ASB15: variants seen among roughly 807,000 people sequenced by gnomAD.
The protein encoded by ASB15 is ankyrin repeat and SOCS box protein 15.
Under a neutral mutation model 58.0 loss-of-function variants are expected in ASB15, and 54 were observed. That is an observed-to-expected ratio of 0.93 (90% confidence interval 0.75 to 1.17). The LOEUF (loss-of-function observed/expected upper bound fraction) is 1.17. ASB15 is among the 50% of genes most tolerant of loss of function. ASB15 has a pLI of 0.00. For missense variants in ASB15, 680 were observed against 707.4 expected, an observed-to-expected ratio of 0.96 and a Z score of 0.44; for synonymous variants, 249 against 262.4, an observed-to-expected ratio of 0.95 and a Z score of 0.50.
At chr7:123,624,094 A>G (rs1251555881) in intron 7 of ASB15, among the ~76,000 whole-genome samples, 1 of 152,172 alleles carries the variant, frequency 6.6e-6, no homozygotes, top group Non-Finnish European at 1.5e-5. Context: ...CTATAGGGGA[A>G]ACCTGATGAA....
rs769593680 is a variant in ASB15 at position 123,624,582 on chromosome 7, C to G, written c.465C>G (p.Gly155=). 2 of 1,612,578 alleles carry G rather than the reference C, an allele frequency of 1.2e-6. No individual in the cohort carries two copies. The highest frequency in any genetic ancestry group is 4.5e-5 in the East Asian group (2 of 44,874). Residue 155 remains glycine, a synonymous_variant, in exon 8 of 12, where the codon GGC becomes GGG. Transcript: ENST00000451215. ...ETPLLIAVKK[G]SYDMVSTLIK... is the part of the protein sequence containing the mutation. The stretch of plus-strand genomic sequence containing the variant: ...ATCATTTTCAAGCTGTGAAAAAGGG[C>G]TCCTATGACATGGTGTCGACTCTGA...
chr7:123,597,629 C>T (rs1457077523), upstream of ASB15, among the ~76,000 whole-genome samples: 1 of 151,930 alleles, frequency 6.6e-6, no homozygotes, highest in East Asian at 1.9e-4. Context: ...GTCAGGAGTT[C>T]GAGACCAGCT....
intron 1 of ASB15, among the ~76,000 whole-genome samples, chr7:123,583,360 C>T (rs568222178): frequency 1.1e-4 from 16 of 151,974 alleles, no homozygotes; most frequent in South Asian, 2.1e-4. Context: ...TGGGAACTAA[C>T]GGGAAACTGG....
At chr7:123,590,920 C>G (rs1799520257) in intron 1 of ASB15, among the ~76,000 whole-genome samples, 2 of 152,072 alleles carry the variant, frequency 1.3e-5, no homozygotes, top group Admixed American at 6.6e-5. Context: ...ACTGATTCTT[C>G]CTATCGATGA....
chr7:123,588,461 C>T (rs1292719685), intron 1 of ASB15, among the ~76,000 whole-genome samples: 1 of 151,440 alleles, frequency 6.6e-6, no homozygotes, highest in African/African-American at 2.4e-5. Flanking sequence ...AAAAAGCCAA[C>T]TTTTGATCTT....
intron 1 of ASB15, among the ~76,000 whole-genome samples, chr7:123,593,346 G>T (rs1799598474): frequency 6.6e-6 from 1 of 152,118 alleles, no homozygotes; most frequent in Non-Finnish European, 1.5e-5. Flanking sequence ...CCCGTTAATT[G>T]ATGCAGTTTC....
At chr7:123,611,041 C>T (rs991849607) in intron 3 of ASB15, among the ~76,000 whole-genome samples, 3 of 142,122 alleles carry the variant, frequency 2.1e-5, no homozygotes, top group African/African-American at 7.9e-5. Context: ...CAAGATTGTG[C>T]CGTTTCACTC....
At chr7:123,567,725 C>G (rs1001291533) in intron 1 of ASB15, among the ~76,000 whole-genome samples, 3 of 152,026 alleles carry the variant, frequency 2.0e-5, no homozygotes, top group Admixed American at 1.3e-4. Context: ...ACAGGTAATG[C>G]TTAGCCAGTT....
At chr7:123,569,979 G>C (rs1798862117) in intron 1 of ASB15, among the ~76,000 whole-genome samples, 1 of 151,458 alleles carries the variant, frequency 6.6e-6, no homozygotes, top group Non-Finnish European at 1.5e-5. Flanking sequence ...CACTATGATG[G>C]GATATAAGTC....
chr7:123,592,133 C>T (rs992435802), intron 1 of ASB15, among the ~76,000 whole-genome samples: 6 of 152,140 alleles, frequency 3.9e-5, no homozygotes, highest in African/African-American at 1.4e-4. Flanking sequence ...TCTGTGGGAT[C>T]AGTGGTGATA....
intron 9 of ASB15, among the ~76,000 whole-genome samples, chr7:123,628,308 G>T (rs1801925725): frequency 6.6e-6 from 1 of 152,174 alleles, no homozygotes; most frequent in South Asian, 2.1e-4. Flanking sequence ...TAATTCATGA[G>T]AATTGGAAAA....
At chr7:123,594,636 C>T (rs2116375718) in intron 1 of ASB15, among the ~76,000 whole-genome samples, 1 of 152,234 alleles carries the variant, frequency 6.6e-6, no homozygotes, top group South Asian at 2.1e-4. Context: ...AATATTGCTG[C>T]CTGATCCATC....
At chr7:123,618,746 A>G (rs970582442) in intron 7 of ASB15, among the ~76,000 whole-genome samples, 1 of 149,804 alleles carries the variant, frequency 6.7e-6, no homozygotes, top group East Asian at 1.9e-4. Context: ...GGAATCACTT[A>G]AAAAAAAATT....
chr7:123,578,269 A>T (rs1212293714), intron 1 of ASB15, among the ~76,000 whole-genome samples: 1 of 151,062 alleles, frequency 6.6e-6, no homozygotes, highest in African/African-American at 2.4e-5. Flanking sequence ...AAATGACAAA[A>T]TTCATCTAAA....
Position 123,614,484 on chromosome 7 carries a change from T to C in ASB15, c.-2-17T>C, listed in dbSNP as rs1800674062. On this transcript the variant is annotated splice_polypyrimidine_tract_variant and intron_variant, in intron 3 of 11. Coordinates refer to ENST00000451215, the MANE Select transcript of ASB15 (RefSeq NM_001290258.2). ...TTCTTGATAATAAGAACTTGTCTCGTTCAAAATTATATGCAGGAATGGATA... is the reference window on the plus strand; with the variant it reads ...TTCTTGATAATAAGAACTTGTCTCGCTCAAAATTATATGCAGGAATGGATA... 1 of 1,497,126 alleles carries C rather than the reference T, an allele frequency of 6.7e-7. No individual in the cohort carries two copies. Among genetic ancestry groups the C allele is most frequent in the Non-Finnish European group, 9.3e-7 (1 of 1,078,000 alleles). 92.7% of individuals were successfully genotyped at this position (1,497,126 alleles called of 1,614,324 possible). A position where few individuals can be genotyped will look rare whatever the true frequency, so the allele number is the denominator to read the frequency against.
At chr7:123,577,195 T>C (rs1252463627) in intron 1 of ASB15, among the ~76,000 whole-genome samples, 2 of 152,202 alleles carry the variant, frequency 1.3e-5, no homozygotes, top group Non-Finnish European at 2.9e-5. Context: ...TACTATATCA[T>C]TGATATCTTC....
In ASB15 at chr7:123,603,341, G is replaced by A. The variant is rs117130432; in HGVS notation, c.-244-691G>A. Among the ~76,000 whole-genome samples, 325 of 152,264 alleles carry A rather than the reference G, an allele frequency of 2.1e-3. 2 individuals carry two copies. Among genetic ancestry groups the A allele is most frequent in the Non-Finnish European group, 3.5e-3 (236 of 68,022 alleles). On this transcript the variant is annotated intron_variant, in intron 1 of 11. Coordinates refer to ENST00000451215, the MANE Select transcript of ASB15 (RefSeq NM_001290258.2). ...GGAAAAAAATAATCACTAAGAATTG[G>A]TGGGTTAATTCTTTTCCTTTGTCTT...
At chr7:123,581,571 A>T (rs564251266) in intron 1 of ASB15, among the ~76,000 whole-genome samples, 1 of 152,018 alleles carries the variant, frequency 6.6e-6, no homozygotes, top group African/African-American at 2.4e-5. Flanking sequence ...GCTTTGCTAC[A>T]TATTAGGTTT....
chr7:123,587,642 C>T (rs756922653), intron 1 of ASB15, among the ~76,000 whole-genome samples: 3 of 151,702 alleles, frequency 2.0e-5, no homozygotes, highest in Non-Finnish European at 3.0e-5. Context: ...GAAAAGCTTT[C>T]AGCTTTTCAC....
Sources: allele counts gnomAD v4.1 joint callset (sites outside exome capture counted in the v4.1 genomes callset), GRCh38; gene constraint gnomAD v4.1.1; transcripts MANE v1.5; gene names NCBI Gene and HGNC (gene_info 2026-07-23, HGNC 2026-07-21).